E2F6: variants seen among roughly 807,000 people sequenced by gnomAD.
E2F6 encodes transcription factor E2F6.
A neutral mutation model predicts 31.5 loss-of-function variants in E2F6; 19 were observed. The ratio of observed to expected loss-of-function variants is 0.60; its 90% CI spans 0.42 to 0.89. E2F6 has a LOEUF of 0.89. Among genes scored for constraint, E2F6 ranks in the 40% least tolerant of loss-of-function variants. The pLI, the probability that E2F6 is intolerant of heterozygous loss-of-function variation, is 0.00. For synonymous variants in E2F6, 121 were observed against 127.7 expected (o/e 0.95, Z 0.36); for missense variants, 269 against 341.6 (o/e 0.79, Z 1.67).
Position 11,457,348 on chromosome 2 carries a change from G to C in E2F6, c.109-115C>G. 10 of 695,418 alleles carry C rather than the reference G, an allele frequency of 1.4e-5. 1 individual carries two copies. In the South Asian group the frequency reaches 1.8e-4, roughly 12 times the overall value. 43.1% of individuals were successfully genotyped at this position (695,418 alleles called of 1,614,324 possible). A position where few individuals can be genotyped will look rare whatever the true frequency, so the allele number is the denominator to read the frequency against. ...AATATGAATATGATAATTACTGGCT[G>C]GGCAGAGGCTCACGCCTGTAATCCC... is the stretch of plus-strand genomic sequence containing the variant. On this transcript the variant is annotated intron_variant, in intron 1 of 6. Coordinates refer to ENST00000381525, the MANE Select transcript of E2F6 (RefSeq NM_198256.4).
chr2:11,446,577 G>T (rs1314906806), intron 6 of E2F6, 54 bp from the exon 7 acceptor site: 6 of 1,449,572 alleles, frequency 4.1e-6, no homozygotes, highest in African/African-American at 1.4e-5. Context: ...CTAAGTGAAG[G>T]TCTGATAGGC....
intron 5 of E2F6, among the ~76,000 whole-genome samples, chr2:11,448,660 A>T (rs144409482): frequency 2.0e-5 from 3 of 152,338 alleles, no homozygotes; most frequent in African/African-American, 7.2e-5. Context: ...GGTTTGAATG[A>T]TAAATCCTGT....
chr2:11,446,623 G>C, intron 6 of E2F6, 100 bp from the exon 7 acceptor site: 1 of 987,984 alleles, frequency 1.0e-6, no homozygotes, highest in Non-Finnish European at 1.6e-6. Flanking sequence ...GACTACTTCA[G>C]AAAACCCTGA....
intron 4 of E2F6, 83 bp from the exon 5 acceptor site, chr2:11,450,209 G>T (rs1265609000): frequency 6.1e-6 from 5 of 818,680 alleles, no homozygotes; most frequent in Non-Finnish European, 9.5e-6. Context: ...TAACGCAAGG[G>T]TAATGTTAGA....
intron 4 of E2F6, among the ~76,000 whole-genome samples, chr2:11,450,805 C>T (rs976374294): frequency 2.0e-5 from 3 of 151,696 alleles, no homozygotes; most frequent in Non-Finnish European, 2.9e-5. Context: ...CCTTCCAGTA[C>T]CTGTACTGTG....
rs185018108 is a variant in E2F6 at position 11,445,250 on chromosome 2, C to A, written c.*1227G>T. The A allele has an allele frequency of 1.8e-3, 276 of 152,434 alleles. 2 individuals carry two copies. The highest frequency in any genetic ancestry group is 4.1e-4 in the Non-Finnish European group (28 of 68,022). The allele number at this position is 152,434 out of a possible 1,614,324, so 9.4% of individuals were successfully genotyped here. The stretch of plus-strand genomic sequence containing the variant: ...CAGGAATCTTGTACGATAGACAAAC[C>A]AAATATTATTATTCTGATCTTACAA... On this transcript the variant is annotated 3_prime_UTR_variant, in exon 7 of 7. Coordinates refer to ENST00000381525, the MANE Select transcript of E2F6 (RefSeq NM_198256.4).
chr2:11,460,785 T>C (rs1445212267), intron 1 of E2F6, among the ~76,000 whole-genome samples: 1 of 152,226 alleles, frequency 6.6e-6, no homozygotes, highest in African/African-American at 2.4e-5. Context: ...GACTGAATAC[T>C]GTAGATAACG....
intron 1 of E2F6, among the ~76,000 whole-genome samples, chr2:11,462,032 C>T (rs1671812634): frequency 6.6e-6 from 1 of 152,196 alleles, no homozygotes; most frequent in Non-Finnish European, 1.5e-5. Context: ...GCTCTCTCTA[C>T]TATTAGAAGT....
intron 1 of E2F6, among the ~76,000 whole-genome samples, chr2:11,462,720 C>T (rs371070918): frequency 2.0e-5 from 3 of 152,110 alleles, no homozygotes; most frequent in South Asian, 2.1e-4. Context: ...AAGGGCAGGG[C>T]GCAGTGACAG....
chr2:11,455,086 G>A (rs1046278023), intron 2 of E2F6, among the ~76,000 whole-genome samples: 3 of 152,132 alleles, frequency 2.0e-5, no homozygotes, highest in East Asian at 1.9e-4. Context: ...GATATGTGCC[G>A]CTAAACTGCT....
intron 2 of E2F6, chr2:11,455,534 G>T: frequency 2.7e-6 from 3 of 1,098,410 alleles, no homozygotes; most frequent in South Asian, 1.4e-5. Flanking sequence ...GAAGTAGAGG[G>T]TCACAATTCT....
At chr2:11,454,394 G>T (rs1671272899) in intron 2 of E2F6, among the ~76,000 whole-genome samples, 1 of 151,288 alleles carries the variant, frequency 6.6e-6, no homozygotes, top group Admixed American at 6.6e-5. Context: ...TGTTGCCCAG[G>T]CTGGAGCTGG....
Position 11,465,752 on chromosome 2 carries a change from C to G in E2F6, c.108+20G>C. On this transcript the variant is annotated intron_variant, in intron 1 of 6. Transcript: ENST00000381525. ...GATTTGGGAGACCACCGCCCGTCCCCGTCCCGTCCCGGAGCTTACCAGCAG... is the reference window on the plus strand; with the variant it reads ...GATTTGGGAGACCACCGCCCGTCCCGGTCCCGTCCCGGAGCTTACCAGCAG... 2 of 1,570,540 alleles carry G rather than the reference C, an allele frequency of 1.3e-6. No individual in the cohort carries two copies. The highest frequency in any genetic ancestry group is 1.7e-4 in the Middle Eastern group (1 of 6,002).
chr2:11,458,367 A>G (rs2148354172), intron 1 of E2F6: 1 of 1,551,642 alleles, frequency 6.4e-7, no homozygotes, highest in Non-Finnish European at 8.7e-7. Context: ...GGGAGAGAAG[A>G]AAAAAGACAG....
rs1389280392 is a variant in E2F6, at chr2:11,466,046, T to C, written c.-167A>G. The C allele has an allele frequency of 1.8e-6, 1 of 567,326 alleles. No individual in the cohort carries two copies. The highest frequency in any genetic ancestry group is 2.5e-5 in the South Asian group (1 of 40,802). The allele number at this position is 567,326 out of a possible 1,614,324, so 35.1% of individuals were successfully genotyped here. A position where few individuals can be genotyped will look rare whatever the true frequency, so the allele number is the denominator to read the frequency against. ...CCGGCTAGGCCGTCCCGCCCGCCAG[T>C]AAACGCGGCACGGCCTCACGTGCCC... On this transcript the variant is annotated 5_prime_UTR_variant, in exon 1 of 7. Coordinates refer to ENST00000381525, the MANE Select transcript of E2F6 (RefSeq NM_198256.4).
intron 3 of E2F6, 102 bp from the exon 4 acceptor site, chr2:11,451,908 T>C: frequency 8.7e-7 from 1 of 1,143,478 alleles, no homozygotes; most frequent in South Asian, 1.4e-5. Context: ...CCATAAGTGT[T>C]TTCCACAACA....
chr2:11,459,676 G>A (rs1366616914), intron 1 of E2F6, among the ~76,000 whole-genome samples: 1 of 152,006 alleles, frequency 6.6e-6, no homozygotes, highest in East Asian at 1.9e-4. Flanking sequence ...AAGGTCAGGA[G>A]TTCAAGACCA....
At chr2:11,446,589 A>G in intron 6 of E2F6, 66 bp from the exon 7 acceptor site, 2 of 1,340,254 alleles carry the variant, frequency 1.5e-6, no homozygotes, top group African/African-American at 1.4e-5. Flanking sequence ...CTGATAGGCA[A>G]ATACGTAAAA....
intron 3 of E2F6, among the ~76,000 whole-genome samples, chr2:11,452,928 T>C (rs1447934493): frequency 1.3e-5 from 2 of 152,242 alleles, no homozygotes; most frequent in Non-Finnish European, 2.9e-5. Context: ...ACTAAGTTAA[T>C]TATTTAGGGT....
Sources: allele counts gnomAD v4.1 joint callset (sites outside exome capture counted in the v4.1 genomes callset), GRCh38; gene constraint gnomAD v4.1.1; transcripts MANE v1.5; gene names NCBI Gene and HGNC (gene_info 2026-07-23, HGNC 2026-07-21).